Variants in SLC14A2 observed in about 807,000 individuals in gnomAD.
The protein encoded by SLC14A2 is urea transporter 2.
In SLC14A2, 91 loss-of-function variants were observed where a neutral mutation model predicts 104.6. That is an observed-to-expected ratio of 0.87 (90% CI 0.73 to 1.04). The LOEUF is 1.04. Ranked by LOEUF, SLC14A2 falls within the 50% of genes least tolerant of loss-of-function variation. The pLI is 0.00. For missense variants in SLC14A2, 1,189 were observed against 1,156.0 expected (o/e 1.03, Z -0.41); for synonymous variants, 476 against 466.4 (o/e 1.02, Z -0.27).
chr18:45,219,788 G>C (rs1241508136), intron 1 of SLC14A2, among the ~76,000 whole-genome samples: 1 of 152,074 alleles, frequency 6.6e-6, no homozygotes, highest in East Asian at 1.9e-4. Context: ...CAGAGAGGCA[G>C]GAAAATACAT....
intron 1 of SLC14A2, among the ~76,000 whole-genome samples, chr18:45,315,898 T>C (rs1051156990): frequency 2.0e-5 from 3 of 152,214 alleles, no homozygotes; most frequent in African/African-American, 7.2e-5. Context: ...CATTGCTCCT[T>C]TTGAATGAGA....
intron 2 of SLC14A2, among the ~76,000 whole-genome samples, chr18:45,578,818 C>G (rs1281612604): frequency 6.6e-6 from 1 of 152,224 alleles, no homozygotes; most frequent in Non-Finnish European, 1.5e-5. Flanking sequence ...TGTAACAAAT[C>G]ACCTCAAACA....
At chr18:45,490,213 G>A (rs375834786) in intron 2 of SLC14A2, among the ~76,000 whole-genome samples, 1 of 152,176 alleles carries the variant, frequency 6.6e-6, no homozygotes, top group Non-Finnish European at 1.5e-5. Context: ...TTACACTGTA[G>A]ACATCAAAGC....
chr18:45,660,776 C>A (rs1303560254), intron 10 of SLC14A2, among the ~76,000 whole-genome samples: 2 of 152,240 alleles, frequency 1.3e-5, no homozygotes, highest in Non-Finnish European at 2.9e-5. Flanking sequence ...TAGACATGTT[C>A]ATAATCTTCT....
chr18:45,426,543 C>CGTGTGTGT (rs765432157), intron 1 of SLC14A2, among the ~76,000 whole-genome samples: 1 of 135,118 alleles, frequency 7.4e-6, no homozygotes, highest in Non-Finnish European at 1.6e-5. Context: ...ATGAGATCAG[C>CGTGTGTGT]ATGTGTGTGT....
chr18:45,433,227 G>A (rs2086545254), intron 1 of SLC14A2, among the ~76,000 whole-genome samples: 1 of 151,996 alleles, frequency 6.6e-6, no homozygotes, highest in Non-Finnish European at 1.5e-5. Context: ...TGCATACAGT[G>A]GAGAATATAG....
intron 1 of SLC14A2, among the ~76,000 whole-genome samples, chr18:45,458,925 G>A (rs1397119330): frequency 1.3e-5 from 2 of 152,174 alleles, no homozygotes; most frequent in Admixed American, 6.5e-5. Flanking sequence ...TGTACCGAAA[G>A]CTATACTTTG....
rs548338904 is a variant in SLC14A2, at chr18:45,378,229, AG to A, written c.-124-105002del. Among the ~76,000 whole-genome samples the A allele has an allele frequency of 8.8e-5, 13 of 147,150 alleles. No homozygotes were observed. In the South Asian group the frequency reaches 2.6e-3, roughly 30 times the overall value. The stretch of plus-strand genomic sequence containing the variant: ...CTCTGGAGTATTTAGCATAGTGTAA[AG>A]GCTCCTATTAAGAATTGAATTGAGT... On this transcript the variant is annotated intron_variant, in intron 1 of 20. Coordinates refer to the SLC14A2 transcript ENST00000586448.
At chr18:45,305,511 C>G (rs549513971) in intron 1 of SLC14A2, among the ~76,000 whole-genome samples, 1 of 152,298 alleles carries the variant, frequency 6.6e-6, no homozygotes, top group Admixed American at 6.5e-5. Flanking sequence ...TTTTCTCCCT[C>G]TGCATCTCTG....
At chr18:45,495,533 T>C (rs975036339) in intron 2 of SLC14A2, among the ~76,000 whole-genome samples, 5 of 151,792 alleles carry the variant, frequency 3.3e-5, no homozygotes, top group Admixed American at 3.3e-4. Context: ...ATCAGAGGAG[T>C]GGTGATTAAA....
chr18:45,345,133 T>C (rs16978346), intron 1 of SLC14A2, among the ~76,000 whole-genome samples: 3,854 of 152,290 alleles, frequency 0.025, 156 homozygotes, highest in African/African-American at 0.085. Context: ...AGGTGCTTCA[T>C]GTCAGTACCT....
At chr18:45,678,843 C>T in intron 18 of SLC14A2, 132 bp from the exon 19 acceptor site, 1 of 813,408 alleles carries the variant, frequency 1.2e-6, no homozygotes, top group Non-Finnish European at 1.9e-6. Flanking sequence ...GGAAACATAA[C>T]TCAAATTTTT....
the SLC14A2 span, among the ~76,000 whole-genome samples, chr18:45,189,514 A>G: frequency 3.9e-5 from 6 of 152,306 alleles, no homozygotes; most frequent in Admixed American, 1.3e-4. Context: ...TAAAATGTAG[A>G]TATTGTAAAA....
intron 1 of SLC14A2, among the ~76,000 whole-genome samples, chr18:45,339,386 G>T (rs1599687408): frequency 6.6e-6 from 1 of 152,280 alleles, no homozygotes; most frequent in East Asian, 1.9e-4. Context: ...CAAAGCCACT[G>T]GTCATAACGA....
chr18:45,545,083 C>T (rs1387027368), intron 2 of SLC14A2, among the ~76,000 whole-genome samples: 1 of 152,168 alleles, frequency 6.6e-6, no homozygotes, highest in Non-Finnish European at 1.5e-5. Context: ...CATGAGCCAC[C>T]ATGCCTGGCC....
chr18:45,450,489 C>T (rs1299777921), intron 1 of SLC14A2, among the ~76,000 whole-genome samples: 2 of 152,124 alleles, frequency 1.3e-5, no homozygotes, highest in East Asian at 3.9e-4. Context: ...TGACATAATT[C>T]CCCTTGGCTC....
chr18:45,520,870 A>G (rs1271654140), intron 2 of SLC14A2, among the ~76,000 whole-genome samples: 1 of 152,228 alleles, frequency 6.6e-6, no homozygotes, highest in Non-Finnish European at 1.5e-5. Flanking sequence ...CAGGGCATAT[A>G]CAAGCTGTTA....
chr18:45,513,150 G>A (rs2043391198), intron 2 of SLC14A2, among the ~76,000 whole-genome samples: 1 of 152,126 alleles, frequency 6.6e-6, no homozygotes, highest in Non-Finnish European at 1.5e-5. Flanking sequence ...CCAGCTTTTA[G>A]CAAACACTTG....
At chr18:45,307,124 A>C (rs1341548168) in intron 1 of SLC14A2, among the ~76,000 whole-genome samples, 1 of 152,128 alleles carries the variant, frequency 6.6e-6, no homozygotes, top group East Asian at 1.9e-4. Context: ...CACCTAGAAA[A>C]GACTAACCTT....
Sources: allele counts gnomAD v4.1 joint callset (sites outside exome capture counted in the v4.1 genomes callset), GRCh38; gene constraint gnomAD v4.1.1; transcripts MANE v1.5; gene names NCBI Gene and HGNC (gene_info 2026-07-23, HGNC 2026-07-21).